SYCP2: variants seen among roughly 807,000 people sequenced by gnomAD.
The protein encoded by SYCP2 is synaptonemal complex lateral element protein.
In SYCP2, 55 loss-of-function variants were observed where a neutral mutation model predicts 211.3. The observed-to-expected ratio is 0.26, with a 90% CI of 0.21 to 0.33. The LOEUF (loss-of-function observed/expected upper bound fraction) is 0.33, where lower values mean the gene tolerates loss of function less well. Ranked by LOEUF, SYCP2 falls within the 10% of genes least tolerant of loss-of-function variation. The pLI is 1.00. For synonymous variants in SYCP2, 570 were observed against 555.2 expected (o/e 1.03, Z -0.37); for missense variants, 1,731 against 1,752.0 (o/e 0.99, Z 0.21).
At chr20:59,868,020 T>A (rs1486325316) in intron 38 of SYCP2, among the ~76,000 whole-genome samples, 173 bp from the exon 39 acceptor site, 1 of 151,852 alleles carries the variant, frequency 6.6e-6, no homozygotes, top group East Asian at 1.9e-4. Context: ...AAAATCAGAT[T>A]ATTCTGATTT....
chr20:59,873,140 G>T (rs1242417785), intron 35 of SYCP2, among the ~76,000 whole-genome samples: 2 of 151,966 alleles, frequency 1.3e-5, no homozygotes, highest in Non-Finnish European at 1.5e-5. Context: ...ATGGAAAGAT[G>T]ATTCATTCTT....
At chr20:59,908,260 A>T (rs2145816743) in intron 14 of SYCP2, among the ~76,000 whole-genome samples, 1 of 144,554 alleles carries the variant, frequency 6.9e-6, no homozygotes, top group African/African-American at 2.9e-5. Flanking sequence ...AACAAAACAG[A>T]ACAAAACACA....
chr20:59,900,325 A>AC, intron 17 of SYCP2, 41 bp from the exon 18 acceptor site: 1 of 1,511,518 alleles, frequency 6.6e-7, no homozygotes, highest in Non-Finnish European at 8.8e-7. Context: ...AAAACTGCAA[A>AC]CCACAGAAAG....
At chr20:59,864,692 G>A (rs551255095) in intron 44 of SYCP2, among the ~76,000 whole-genome samples, 1 of 152,032 alleles carries the variant, frequency 6.6e-6, no homozygotes, top group East Asian at 1.9e-4. Context: ...TTTCAACAAG[G>A]ATCAACCTAG....
At chr20:59,873,501 A>G (rs981171386) in intron 35 of SYCP2, among the ~76,000 whole-genome samples, 35 of 152,288 alleles carry the variant, frequency 2.3e-4, no homozygotes, top group African/African-American at 8.4e-4. Flanking sequence ...AATTACACAC[A>G]ATGTAAAACA....
At chr20:59,915,640 A>C in intron 8 of SYCP2, 90 bp from the exon 9 acceptor site, 1 of 815,474 alleles carries the variant, frequency 1.2e-6, no homozygotes, top group Non-Finnish European at 2.0e-6. Flanking sequence ...TTAGAAGCCT[A>C]ATTTTTTCTT....
rs1244903100 is a variant in SYCP2 at position 59,891,970 on chromosome 20, A to G, written c.2364+20T>C. On this transcript the variant is annotated intron_variant, in intron 24 of 44. Coordinates refer to ENST00000357552, the MANE Select transcript of SYCP2 (RefSeq NM_014258.4). ...GGCATCTTATGGATATGCAGAAATCAAAACACATTGAAAGCTCACCATTTT... is the reference window on the plus strand; with the variant it reads ...GGCATCTTATGGATATGCAGAAATCGAAACACATTGAAAGCTCACCATTTT... The G allele has an allele frequency of 3.9e-6, 6 of 1,555,294 alleles. No individual in the cohort carries two copies. The highest frequency in any genetic ancestry group is 5.2e-6 in the Non-Finnish European group (6 of 1,157,406).
intron 20 of SYCP2, among the ~76,000 whole-genome samples, chr20:59,895,171 CTAAA>C (rs1303762404): frequency 1.3e-5 from 2 of 152,076 alleles, no homozygotes; most frequent in Non-Finnish European, 2.9e-5. Context: ...GTATAATCAA[CTAAA>C]TAATTATGGC....
At chr20:59,875,596 T>TA in intron 33 of SYCP2, 127 bp from the exon 34 acceptor site, 1 of 627,320 alleles carries the variant, frequency 1.6e-6, no homozygotes, top group Non-Finnish European at 2.6e-6. Flanking sequence ...AACAAGGACC[T>TA]AGACATGAGT....
chr20:59,895,644 G>A (rs1432085742), intron 19 of SYCP2, 47 bp from the exon 20 acceptor site: 1 of 1,591,914 alleles, frequency 6.3e-7, no homozygotes, highest in Non-Finnish European at 8.6e-7. Context: ...TTTACCTATT[G>A]CTATTATTGA....
intron 15 of SYCP2, among the ~76,000 whole-genome samples, chr20:59,905,842 T>C: frequency 6.6e-6 from 1 of 152,270 alleles, no homozygotes; most frequent in South Asian, 2.1e-4. Flanking sequence ...TTTTATCGCT[T>C]CTATTCAACA....
chr20:59,926,943 A>T (rs1673956517), intron 2 of SYCP2, among the ~76,000 whole-genome samples: 1 of 152,154 alleles, frequency 6.6e-6, no homozygotes, highest in African/African-American at 2.4e-5. Context: ...ATTAAAGTGA[A>T]ACAAGTCAGA....
At chr20:59,878,168 G>A (rs970338838) in intron 31 of SYCP2, 123 bp from the exon 32 acceptor site, 5 of 702,522 alleles carry the variant, frequency 7.1e-6, no homozygotes, top group Non-Finnish European at 1.1e-5. Context: ...TTTAAAGCAT[G>A]TGTTAGCATT....
intron 2 of SYCP2, among the ~76,000 whole-genome samples, chr20:59,927,457 T>C (rs898966721): frequency 6.6e-6 from 1 of 152,090 alleles, no homozygotes; most frequent in Non-Finnish European, 1.5e-5. Flanking sequence ...GCCTCAGATA[T>C]AGAGTGGCAT....
intron 2 of SYCP2, among the ~76,000 whole-genome samples, chr20:59,928,557 T>C: frequency 6.6e-6 from 1 of 152,248 alleles, no homozygotes; most frequent in East Asian, 1.9e-4. Context: ...AATCACCTTA[T>C]TTGATATTAA....
At chr20:59,885,583 T>C (rs1270452368) in intron 26 of SYCP2, among the ~76,000 whole-genome samples, 2 of 152,098 alleles carry the variant, frequency 1.3e-5, no homozygotes, top group African/African-American at 4.8e-5. Context: ...TTAAACAAAA[T>C]TGGAACTTCA....
rs1415933685 is a variant in SYCP2 at position 59,863,872 on chromosome 20, G to A, written c.*439C>T. The A allele has an allele frequency of 6.6e-6, 1 of 152,216 alleles. No individual in the cohort carries two copies. Among genetic ancestry groups the A allele is most frequent in the Admixed American group, 6.6e-5 (1 of 15,232 alleles). The allele number at this position is 152,216 out of a possible 1,614,324, so 9.4% of individuals were successfully genotyped here. On this transcript the variant is annotated 3_prime_UTR_variant, in exon 45 of 45. Coordinates refer to ENST00000357552, the MANE Select transcript of SYCP2 (RefSeq NM_014258.4). ...ACTCAGTTATACATTTTAAACTAGG[G>A]ACTTCCTCCCCCTTGTAAGTGTGGC...
chr20:59,865,941 G>A (rs960761086), intron 41 of SYCP2, 76 bp from the exon 42 acceptor site: 6 of 622,122 alleles, frequency 9.6e-6, no homozygotes, highest in African/African-American at 1.9e-5. Flanking sequence ...ACTTTAATAT[G>A]ATTAAAAATT....
Position 59,875,279 on chromosome 20 carries a change from A to AC in SYCP2, c.3340dup (p.Val1114GlyfsTer18). The stretch of plus-strand genomic sequence containing the variant: ...AACAAAGTTATACTGACATCTCGTT[A>AC]CTTCTATAGATGATGGACTGCCAGA... On this transcript the variant is annotated frameshift_variant, in exon 34 of 45. Coordinates refer to ENST00000357552, the MANE Select transcript of SYCP2 (RefSeq NM_014258.4). LOFTEE classifies it high-confidence loss of function. 1.3e-6 allele frequency: 2 copies of AC among 1,594,846 alleles called. No individual in the cohort carries two copies. The highest frequency in any genetic ancestry group is 1.7e-6 in the Non-Finnish European group (2 of 1,168,696).
Sources: gnomAD v4.1 joint callset for allele counts (sites outside exome capture counted in the v4.1 genomes callset) on GRCh38, gnomAD v4.1.1 for gene constraint, MANE v1.5 for transcripts, NCBI Gene and HGNC (gene_info 2026-07-23, HGNC 2026-07-21) for gene names.